The following LRRC7 variants were observed in gnomAD, a reference collection of about 807,000 sequenced individuals.
LRRC7 encodes the protein leucine-rich repeat-containing protein 7.
Under a neutral mutation model 175.7 loss-of-function variants are expected in LRRC7, and 23 were observed. The observed-to-expected ratio is 0.13, with a 90% CI of 0.09 to 0.19. LRRC7 has a LOEUF of 0.19. LRRC7 is among the 10% of genes least tolerant of loss of function. The pLI, the probability that LRRC7 is intolerant of heterozygous loss-of-function variation, is 1.00. For synonymous variants in LRRC7, 685 were observed against 680.9 expected (o/e 1.01, Z -0.09); for missense variants, 1,354 against 1,904.7 (o/e 0.71, Z 5.38).
chr1:69,746,227 A>T (rs779464764), intron 2 of LRRC7, among the ~76,000 whole-genome samples: 94 of 152,118 alleles, frequency 6.2e-4, no homozygotes, highest in Non-Finnish European at 6.6e-4. Flanking sequence ...TCTGAATGGG[A>T]TACACCCATT....
chr1:69,998,321 G>GC (rs1224951896), intron 11 of LRRC7, among the ~76,000 whole-genome samples: 2 of 152,066 alleles, frequency 1.3e-5, no homozygotes, highest in Non-Finnish European at 1.5e-5. Context: ...TCAGCATATA[G>GC]CCCCTCATCT....
At chr1:70,041,490 C>T (rs1000991192) in intron 21 of LRRC7, among the ~76,000 whole-genome samples, 10 of 152,188 alleles carry the variant, frequency 6.6e-5, no homozygotes, top group African/African-American at 2.2e-4. Flanking sequence ...GACACCTGGT[C>T]GGTTGTCACC....
At chr1:69,910,313 G>C (rs1006609428) in intron 7 of LRRC7, among the ~76,000 whole-genome samples, 1 of 152,150 alleles carries the variant, frequency 6.6e-6, no homozygotes, top group Non-Finnish European at 1.5e-5. Context: ...CCATCTTTGT[G>C]GCTTTATCTA....
intron 23 of LRRC7, among the ~76,000 whole-genome samples, chr1:70,063,268 C>A (rs573232126): frequency 6.6e-6 from 1 of 152,244 alleles, no homozygotes; most frequent in South Asian, 2.1e-4. Flanking sequence ...CAATATTTGA[C>A]ATAGATGTTC....
chr1:69,805,416 A>G (rs1466512556), intron 4 of LRRC7, among the ~76,000 whole-genome samples: 1 of 151,864 alleles, frequency 6.6e-6, no homozygotes, highest in Non-Finnish European at 1.5e-5. Flanking sequence ...GCCTTGTGTC[A>G]GGGAGAAAAT....
chr1:69,622,284 C>T (rs1344568677), intron 1 of LRRC7, among the ~76,000 whole-genome samples: 2 of 152,136 alleles, frequency 1.3e-5, no homozygotes, highest in African/African-American at 2.4e-5. Context: ...GGGACAGAAA[C>T]TTTCTTGTTC....
At chr1:69,976,192 A>G (rs970230605) in intron 8 of LRRC7, among the ~76,000 whole-genome samples, 7 of 152,180 alleles carry the variant, frequency 4.6e-5, no homozygotes, top group African/African-American at 1.7e-4. Context: ...GAGTTTATTA[A>G]GTAGTATTAA....
intron 7 of LRRC7, among the ~76,000 whole-genome samples, chr1:69,923,474 C>A (rs373612461): frequency 1.3e-5 from 2 of 151,518 alleles, no homozygotes; most frequent in Non-Finnish European, 3.0e-5. Context: ...TCCTCTCCAG[C>A]ACCTGTTGTT....
At chr1:70,068,633 G>C (rs988874463) in intron 23 of LRRC7, among the ~76,000 whole-genome samples, 1 of 151,286 alleles carries the variant, frequency 6.6e-6, no homozygotes, top group Admixed American at 6.6e-5. Context: ...TATTTTTTTG[G>C]TATCAGGGTA....
intron 7 of LRRC7, among the ~76,000 whole-genome samples, chr1:69,899,861 G>A (rs1235346624): frequency 1.3e-5 from 2 of 152,112 alleles, no homozygotes; most frequent in Admixed American, 1.3e-4. Context: ...GTCCCTCACC[G>A]GATGGCAGTG....
At chr1:69,704,887 C>T (rs1047323499) in intron 2 of LRRC7, among the ~76,000 whole-genome samples, 5 of 151,980 alleles carry the variant, frequency 3.3e-5, no homozygotes, top group African/African-American at 1.2e-4. Flanking sequence ...ATAAAATTCT[C>T]CTACATATTT....
chr1:70,127,325 G>T lies in LRRC7; in HGVS notation c.*5438G>T, dbSNP rs375152301. On this transcript the variant is annotated 3_prime_UTR_variant, in exon 27 of 27. Transcript: ENST00000651989. ...GAGAATGGTTTGGAAACACTCCCTGGTAAGGATATAAATTGCACAGCTTCT... is the reference window on the plus strand; with the variant it reads ...GAGAATGGTTTGGAAACACTCCCTGTTAAGGATATAAATTGCACAGCTTCT... Among the ~76,000 whole-genome samples the T allele has an allele frequency of 7.9e-5, 12 of 152,266 alleles. No homozygotes were observed. In the East Asian group the frequency reaches 2.1e-3, roughly 27 times the overall value.
chr1:70,056,256 C>T (rs1333753759), intron 23 of LRRC7, among the ~76,000 whole-genome samples: 1 of 152,014 alleles, frequency 6.6e-6, no homozygotes, highest in African/African-American at 2.4e-5. Flanking sequence ...GAACAGAACT[C>T]CATGGAACAC....
intron 8 of LRRC7, among the ~76,000 whole-genome samples, chr1:69,969,267 G>A (rs1215490083): frequency 1.3e-5 from 2 of 152,012 alleles, no homozygotes; most frequent in Non-Finnish European, 2.9e-5. Flanking sequence ...TTAATGGAGT[G>A]GTACCTCACA....
rs1207421238 is a variant in LRRC7, at chr1:70,134,846, C to T, written c.*12959C>T. On this transcript the variant is annotated 3_prime_UTR_variant, in exon 27 of 27. Coordinates refer to ENST00000651989, the MANE Select transcript of LRRC7 (RefSeq NM_001370785.2). ...ATCTCCTTAACAAATTTAAATTGTA[C>T]ACAACAGTGCCACCCATTTTAAAGC... 6.6e-6 allele frequency among the ~76,000 whole-genome samples: 1 copy of T among 152,172 alleles called. No individual in the cohort carries two copies. The highest frequency in any genetic ancestry group is 2.4e-5 in the African/African-American group (1 of 41,438).
chr1:69,791,573 C>T (rs1675126910), intron 3 of LRRC7, among the ~76,000 whole-genome samples: 1 of 151,960 alleles, frequency 6.6e-6, no homozygotes, highest in African/African-American at 2.4e-5. Context: ...GAAATGTGAA[C>T]TCAAGTATTC....
At chr1:69,570,438 C>T (rs554407425) in intron 1 of LRRC7, among the ~76,000 whole-genome samples, 2 of 152,012 alleles carry the variant, frequency 1.3e-5, no homozygotes, top group Admixed American at 1.3e-4. Flanking sequence ...ACCCTTCACC[C>T]CCACCCCTTG....
intron 1 of LRRC7, among the ~76,000 whole-genome samples, chr1:69,673,041 T>C (rs1320678858): frequency 6.6e-6 from 1 of 152,196 alleles, no homozygotes; most frequent in East Asian, 1.9e-4. Context: ...CCTGAATGAA[T>C]TCAATGGACT....
intron 6 of LRRC7, among the ~76,000 whole-genome samples, chr1:69,836,886 AAAAG>A (rs1361521745): frequency 2.6e-5 from 4 of 151,244 alleles, no homozygotes; most frequent in Non-Finnish European, 5.9e-5. Context: ...AGGCAAAAAA[AAAAG>A]AAAGGAAAGA....
Sources: gnomAD v4.1 joint callset for allele counts (sites outside exome capture counted in the v4.1 genomes callset) on GRCh38, gnomAD v4.1.1 for gene constraint, MANE v1.5 for transcripts, NCBI Gene and HGNC (gene_info 2026-07-23, HGNC 2026-07-21) for gene names.